BFSP1: variants seen among roughly 807,000 people sequenced by gnomAD.
BFSP1 encodes the protein beaded filament structural protein 1.
Under a neutral mutation model 43.9 loss-of-function variants are expected in BFSP1, and 38 were observed. The ratio of observed to expected loss-of-function variants is 0.87; its 90% CI spans 0.67 to 1.14. The LOEUF is 1.14. Among genes scored for constraint, BFSP1 ranks in the 50% most tolerant of loss-of-function variants. BFSP1 has a pLI of 0.00. For synonymous variants in BFSP1, 352 were observed against 354.8 expected (o/e 0.99, Z 0.09); for missense variants, 850 against 875.1 (o/e 0.97, Z 0.36).
At chr20:17,558,454 A>G (rs2035031464) in intron 1 of BFSP1, among the ~76,000 whole-genome samples, 1 of 152,296 alleles carries the variant, frequency 6.6e-6, no homozygotes, top group East Asian at 1.9e-4. Flanking sequence ...CACTTTATTT[A>G]CCGAATATGC....
At chr20:17,533,110 G>A (rs1033894639), upstream of BFSP1, among the ~76,000 whole-genome samples, 1 of 152,116 alleles carries the variant, frequency 6.6e-6, no homozygotes, top group African/African-American at 2.4e-5. Flanking sequence ...AGAACTTTGG[G>A]AGGCCAAAGT....
chr20:17,514,658 G>A (rs1271754678), intron 3 of BFSP1, 63 bp downstream of exon 3: 13 of 1,513,116 alleles, frequency 8.6e-6, no homozygotes, highest in Middle Eastern at 1.7e-4. Context: ...CAGTACCCTC[G>A]GCTTACCTGA....
In BFSP1 at chr20:17,507,869, T is replaced by C. The variant is rs2033978400; in HGVS notation, c.735+1020A>G. Among the ~76,000 whole-genome samples, 1 of 152,128 alleles carries C rather than the reference T, an allele frequency of 6.6e-6. No homozygotes were observed. The highest frequency in any genetic ancestry group is 1.5e-5 in the Non-Finnish European group (1 of 68,022). Reference sequence around the variant, plus strand: ...CCCGGGTTTGCTTTCCAGCAGCCCCTGAGAGCTGCTGCACTGTGAGTTTTG... The same window carrying C: ...CCCGGGTTTGCTTTCCAGCAGCCCCCGAGAGCTGCTGCACTGTGAGTTTTG... On this transcript the variant is annotated intron_variant, in intron 5 of 7. Coordinates refer to ENST00000377873, the MANE Select transcript of BFSP1 (RefSeq NM_001195.5). This position sits in a 1 kb window ranked among gnomAD's most constrained non-coding sequence, Gnocchi z 4.4.
upstream of BFSP1, among the ~76,000 whole-genome samples, chr20:17,561,502 G>GAAA (rs561590149): frequency 7.9e-6 from 1 of 126,152 alleles, no homozygotes; most frequent in African/African-American, 2.9e-5. Context: ...CCGCCTCAAA[G>GAAA]AAAAAAAAAA....
At chr20:17,565,577 G>T (rs6105777) in intron 1 of BFSP1, 136,291 of 152,300 alleles carry the variant, frequency 0.89, 61,792 homozygotes, top group Middle Eastern at 0.97. Context: ...CAAGTTACAA[G>T]ATGCTACATA....
chr20:17,559,466 A>G (rs2035046724), upstream of BFSP1, among the ~76,000 whole-genome samples: 1 of 152,218 alleles, frequency 6.6e-6, no homozygotes, highest in Non-Finnish European at 1.5e-5. Flanking sequence ...TTGAGTTTAC[A>G]GGTGAGGACA....
At position 17,497,481 on chromosome 20, in the gene BFSP1, CGTGTGTATATATATAT is replaced by C. The variant is rs1568679236; in HGVS notation, c.957-474_957-459del. On this transcript the variant is annotated intron_variant, in intron 6 of 7. Transcript: ENST00000377873. ...ATATACACACACACACGTATATATA[CGTGTGTATATATATAT>C]ACACGTATATATACGTATATATATA... Among the ~76,000 whole-genome samples the C allele has an allele frequency of 8.5e-4, 78 of 92,196 alleles. 1 individual carries two copies. The highest frequency in any genetic ancestry group is 2.8e-3 in the African/African-American group (74 of 26,670). 60.5% of individuals were successfully genotyped at this position (92,196 alleles called of 152,430 possible). A position where few individuals can be genotyped will look rare whatever the true frequency, so the allele number is the denominator to read the frequency against.
intron 3 of BFSP1, 99 bp downstream of exon 3, chr20:17,514,622 C>A (rs2034158031): frequency 2.5e-6 from 3 of 1,181,968 alleles, no homozygotes; most frequent in Admixed American, 1.7e-5. Flanking sequence ...CAAAGGTATG[C>A]CACTCTAGCA....
upstream of BFSP1, among the ~76,000 whole-genome samples, chr20:17,561,449 A>C (rs1396500217): frequency 1.3e-5 from 2 of 152,102 alleles, no homozygotes; most frequent in African/African-American, 4.8e-5. Flanking sequence ...CAGCGAGCCC[A>C]GATCGCACCA....
rs1372364611 is a variant in BFSP1 at position 17,507,993 on chromosome 20, T to C, written c.735+896A>G. ...GGCACTGGAAATCAATAAAAAGCGC[T>C]ACATCTAGTTGTGGCTTCACATTTT... On this transcript the variant is annotated intron_variant, in intron 5 of 7. Coordinates refer to ENST00000377873, the MANE Select transcript of BFSP1 (RefSeq NM_001195.5). The surrounding 1 kb of genome is among the most constrained non-coding windows in gnomAD (Gnocchi z 4.4). Among the ~76,000 whole-genome samples, 2 of 152,218 alleles carry C rather than the reference T, an allele frequency of 1.3e-5. No homozygotes were observed. The highest frequency in any genetic ancestry group is 1.3e-4 in the Admixed American group (2 of 15,282).
At chr20:17,512,139 G>C (rs1190488465) in intron 3 of BFSP1, 71 bp from the exon 4 acceptor site, 1 of 1,282,344 alleles carries the variant, frequency 7.8e-7, no homozygotes, top group African/African-American at 1.5e-5. Context: ...TACTAGATGA[G>C]AACAGGAATG....
chr20:17,526,633 A>C (rs1189349423), intron 1 of BFSP1, among the ~76,000 whole-genome samples: 1 of 152,218 alleles, frequency 6.6e-6, no homozygotes, highest in African/African-American at 2.4e-5. Flanking sequence ...GAACACGTAT[A>C]TGCAAGTAGC....
chr20:17,558,127 G>T (rs183302136), intron 1 of BFSP1, among the ~76,000 whole-genome samples: 1 of 148,180 alleles, frequency 6.7e-6, no homozygotes, highest in Non-Finnish European at 1.5e-5. Context: ...GATGGGGGGG[G>T]GTTTTACTCA....
rs552858882 is a variant in BFSP1, at chr20:17,505,177, C to T, written c.735+3712G>A. 4.6e-5 allele frequency among the ~76,000 whole-genome samples: 7 copies of T among 152,308 alleles called. No individual in the cohort carries two copies. The South Asian group carries it at 1.4e-3, about 32-fold the overall frequency. ...CGAAGTGCTTCCTCCGGGGCTCTTA[C>T]GGGTATATGTGCACTTATTTGAAGG... On this transcript the variant is annotated intron_variant, in intron 5 of 7. Coordinates refer to ENST00000377873, the MANE Select transcript of BFSP1 (RefSeq NM_001195.5).
Position 17,494,562 on chromosome 20 carries a change from C to T in BFSP1, c.1510G>A (p.Val504Met), listed in dbSNP as rs138360709. ...GVAVSVAEDS[V>M]LYDGQVEPSP... ...GGCTCCACCTGGCCGTCATAAAGCA[C>T]AGAGTCTTCCGCAACAGAAACAGCC... is the stretch of plus-strand genomic sequence containing the variant. The change falls in exon 8 of 8, where the codon GTG (valine) becomes ATG (methionine). Residue 504 changes from valine to methionine, a missense_variant. Transcript: ENST00000377873. The T allele has an allele frequency of 9.5e-5, 154 of 1,614,104 alleles. No homozygotes were observed. The highest frequency in any genetic ancestry group is 1.2e-4 in the Non-Finnish European group (144 of 1,180,044).
chr20:17,504,595 T>C (rs1261578638), intron 5 of BFSP1, among the ~76,000 whole-genome samples: 1 of 152,128 alleles, frequency 6.6e-6, no homozygotes, highest in African/African-American at 2.4e-5. Context: ...GGAAAGGGAC[T>C]TCCAGAAAGG....
At chr20:17,541,219 TA>T (rs1355630870) in intron 1 of BFSP1, 2 of 965,578 alleles carry the variant, frequency 2.1e-6, no homozygotes, top group South Asian at 4.8e-5. Context: ...AAATAATAAT[TA>T]GTGAATATTA....
At position 17,508,564 on chromosome 20, in the gene BFSP1, G is replaced by T. The variant is rs1396800648; in HGVS notation, c.735+325C>A. Among the ~76,000 whole-genome samples, 3 of 152,170 alleles carry T rather than the reference G, an allele frequency of 2.0e-5. No individual in the cohort carries two copies. The South Asian group carries it at 6.2e-4, about 32-fold the overall frequency. ...CTTGACCTGGGCAAAATGAATGCAT[G>T]ATGTAGACACTGGGGCAGCCTAAGC... On this transcript the variant is annotated intron_variant, in intron 5 of 7. Coordinates refer to ENST00000377873, the MANE Select transcript of BFSP1 (RefSeq NM_001195.5).
Position 17,564,743 on chromosome 20 carries a change from C to T in BFSP1, n.51-1648G>A, listed in dbSNP as rs182365910. 2.4e-4 allele frequency among the ~76,000 whole-genome samples: 37 copies of T among 152,070 alleles called. No individual in the cohort carries two copies. In the East Asian group the frequency reaches 6.4e-3, roughly 26 times the overall value. Reference sequence around the variant, plus strand: ...AGCTGGAATTATAGGCACCCACTACCGCGTCCGGCTAATTTTTGTATTTTT... The same window carrying T: ...AGCTGGAATTATAGGCACCCACTACTGCGTCCGGCTAATTTTTGTATTTTT... On this transcript the variant is annotated intron_variant and non_coding_transcript_variant, in intron 1 of 6. Transcript: ENST00000473415.
Sources: gnomAD v4.1 joint callset for allele counts (sites outside exome capture counted in the v4.1 genomes callset) on GRCh38, gnomAD v4.1.1 for gene constraint, Gnocchi (gnomAD v3.1) non-coding constraint, MANE v1.5 for transcripts, NCBI Gene and HGNC (gene_info 2026-07-23, HGNC 2026-07-21) for gene names.